LHFPL3: variants seen among roughly 807,000 people sequenced by gnomAD.
The protein encoded by LHFPL3 is LHFPL tetraspan subfamily member 3.
In LHFPL3, 5 loss-of-function variants were observed where a neutral mutation model predicts 19.3. The observed-to-expected ratio is 0.26, with a 90% CI of 0.14 to 0.54. The LOEUF (loss-of-function observed/expected upper bound fraction) is 0.54. Among genes scored for constraint, LHFPL3 ranks in the 20% least tolerant of loss-of-function variants. The probability of loss-of-function intolerance (pLI) is 0.94; values close to 1 mark genes in which losing one functional copy is unlikely to be tolerated. For missense variants in LHFPL3, 249 were observed against 307.4 expected (o/e 0.81, Z 1.42); for synonymous variants, 133 against 126.2 (o/e 1.05, Z -0.36).
At chr7:104,788,865 A>C (rs954676402) in intron 2 of LHFPL3, among the ~76,000 whole-genome samples, 1 of 152,090 alleles carries the variant, frequency 6.6e-6, no homozygotes, top group East Asian at 1.9e-4. Flanking sequence ...TTTAAACAAG[A>C]GTTGTGGTCT....
chr7:104,703,255 T>C (rs1187742445), intron 1 of LHFPL3, among the ~76,000 whole-genome samples: 1 of 152,224 alleles, frequency 6.6e-6, no homozygotes, highest in Non-Finnish European at 1.5e-5. Flanking sequence ...GTTTGTAGGA[T>C]ACAAATTATA....
chr7:104,649,774 C>T (rs1459803592), intron 1 of LHFPL3, among the ~76,000 whole-genome samples: 1 of 152,168 alleles, frequency 6.6e-6, no homozygotes, highest in Admixed American at 6.5e-5. Context: ...AGTATCTTTA[C>T]GTCCCAAATT....
chr7:104,873,335 TA>T (rs1221812979), intron 2 of LHFPL3, among the ~76,000 whole-genome samples: 2 of 152,200 alleles, frequency 1.3e-5, no homozygotes, highest in Non-Finnish European at 2.9e-5. Flanking sequence ...TTAGTAAGAT[TA>T]TTTTAAAAGA....
intron 1 of LHFPL3, among the ~76,000 whole-genome samples, chr7:104,629,746 T>A (rs1791607082): frequency 6.6e-6 from 1 of 152,200 alleles, no homozygotes; most frequent in Non-Finnish European, 1.5e-5. Flanking sequence ...TGTGTGTCAG[T>A]CATATTGGCC....
intron 1 of LHFPL3, among the ~76,000 whole-genome samples, chr7:104,448,755 A>G (rs1792377806): frequency 6.6e-6 from 1 of 152,228 alleles, no homozygotes; most frequent in African/African-American, 2.4e-5. Flanking sequence ...TTGCTTTGGT[A>G]GAAATGAAAA....
At chr7:104,429,972 T>C (rs1173946978) in intron 1 of LHFPL3, among the ~76,000 whole-genome samples, 1 of 152,056 alleles carries the variant, frequency 6.6e-6, no homozygotes, top group Non-Finnish European at 1.5e-5. Flanking sequence ...CTAGTGGAGA[T>C]ACAAAAGGAC....
chr7:104,780,207 G>A (rs995824088), intron 2 of LHFPL3, among the ~76,000 whole-genome samples: 1 of 152,170 alleles, frequency 6.6e-6, no homozygotes, highest in Non-Finnish European at 1.5e-5. Context: ...TTGTGAGTGA[G>A]GTCTAGTGCA....
rs1314103965 is a variant in LHFPL3, at chr7:104,543,152, A to G, written c.446-193523A>G. ...GGAACATCACACACTGGGGCCTGACAGGGGGTGAGGGGTCCAAGGGGAGGA... is the reference window on the plus strand; with the variant it reads ...GGAACATCACACACTGGGGCCTGACGGGGGGTGAGGGGTCCAAGGGGAGGA... On this transcript the variant is annotated intron_variant, in intron 1 of 2. Coordinates refer to ENST00000424859, the MANE Select transcript of LHFPL3 (RefSeq NM_199000.3). 3.3e-5 allele frequency among the ~76,000 whole-genome samples: 5 copies of G among 152,162 alleles called. 1 individual carries two copies. The highest frequency in any genetic ancestry group is 1.2e-4 in the African/African-American group (5 of 41,520).
chr7:104,902,279 G>T (rs1792502371), intron 2 of LHFPL3, among the ~76,000 whole-genome samples: 1 of 151,648 alleles, frequency 6.6e-6, no homozygotes, highest in African/African-American at 2.4e-5. Flanking sequence ...TTATGTGGGA[G>T]GCTGAGGTGG....
chr7:104,533,928 G>T (rs1051402701), intron 1 of LHFPL3, among the ~76,000 whole-genome samples: 1 of 152,088 alleles, frequency 6.6e-6, no homozygotes, highest in African/African-American at 2.4e-5. Context: ...GCTTCCCTCC[G>T]CTGGTAAAGG....
chr7:104,612,442 A>G (rs1791229658), intron 1 of LHFPL3, among the ~76,000 whole-genome samples: 1 of 152,174 alleles, frequency 6.6e-6, no homozygotes, highest in Non-Finnish European at 1.5e-5. Context: ...AAAACAAAAC[A>G]AAACAAAACA....
chr7:104,647,432 G>A (rs530107376), intron 1 of LHFPL3, among the ~76,000 whole-genome samples: 2 of 152,316 alleles, frequency 1.3e-5, no homozygotes, highest in East Asian at 3.9e-4. Flanking sequence ...AGATGGGATT[G>A]GGAATTTGTG....
chr7:104,646,522 T>C (rs1791938981), intron 1 of LHFPL3, among the ~76,000 whole-genome samples: 1 of 152,234 alleles, frequency 6.6e-6, no homozygotes, highest in African/African-American at 2.4e-5. Flanking sequence ...TTTGGCTGCA[T>C]TATCTGGTTT....
At chr7:104,568,749 A>G (rs142675460) in intron 1 of LHFPL3, among the ~76,000 whole-genome samples, 20 of 152,264 alleles carry the variant, frequency 1.3e-4, no homozygotes, top group Non-Finnish European at 2.4e-4. Flanking sequence ...CATGGCGCAG[A>G]GTGTATTCTC....
At chr7:104,441,424 G>A (rs1411693160) in intron 1 of LHFPL3, among the ~76,000 whole-genome samples, 1 of 152,016 alleles carries the variant, frequency 6.6e-6, no homozygotes, top group Admixed American at 6.6e-5. Context: ...CCTCTTTAAG[G>A]CTGAATAATA....
At chr7:104,547,528 A>G (rs1376588884) in intron 1 of LHFPL3, among the ~76,000 whole-genome samples, 5 of 152,184 alleles carry the variant, frequency 3.3e-5, no homozygotes, top group African/African-American at 1.2e-4. Context: ...GTCAATTAAT[A>G]TAAAAGCAGT....
chr7:104,658,335 TTTTC>T (rs1219455099), intron 1 of LHFPL3, among the ~76,000 whole-genome samples: 4 of 152,348 alleles, frequency 2.6e-5, no homozygotes, highest in Admixed American at 2.6e-4. Flanking sequence ...TGTATTTTTC[TTTTC>T]TTTCTTTCTC....
chr7:104,850,041 G>A (rs746288544), intron 2 of LHFPL3, among the ~76,000 whole-genome samples: 7 of 152,156 alleles, frequency 4.6e-5, no homozygotes, highest in Non-Finnish European at 7.4e-5. Flanking sequence ...GGTGGCTCAC[G>A]CCTGTAATCC....
At chr7:104,661,404 G>C (rs533475349) in intron 1 of LHFPL3, among the ~76,000 whole-genome samples, 78 of 152,274 alleles carry the variant, frequency 5.1e-4, no homozygotes, top group South Asian at 3.9e-3. Context: ...ACCATCGTTT[G>C]AAAGAGGAGA....
Sources: gnomAD v4.1 joint callset for allele counts (sites outside exome capture counted in the v4.1 genomes callset) on GRCh38, gnomAD v4.1.1 for gene constraint, MANE v1.5 for transcripts, NCBI Gene and HGNC (gene_info 2026-07-23, HGNC 2026-07-21) for gene names.